Variants in UBE2V1 observed in about 807,000 individuals in gnomAD.
UBE2V1 encodes the protein ubiquitin-conjugating enzyme E2 variant 1.
A neutral mutation model predicts 19.6 loss-of-function variants in UBE2V1; 15 were observed. The observed-to-expected ratio is 0.77, with a 90% confidence interval of 0.51 to 1.18. The LOEUF is 1.18. UBE2V1 is among the 50% of genes most tolerant of loss of function. The pLI, the probability that UBE2V1 is intolerant of heterozygous loss-of-function variation, is 0.00. For synonymous variants in UBE2V1, 60 were observed against 60.7 expected, an observed-to-expected ratio of 0.99 and a Z score of 0.05; for missense variants, 125 against 184.8, an observed-to-expected ratio of 0.68 and a Z score of 1.88.
At chr20:50,090,252 C>T (rs1374256672) in intron 2 of UBE2V1, among the ~76,000 whole-genome samples, 1 of 152,224 alleles carries the variant, frequency 6.6e-6, no homozygotes, top group Non-Finnish European at 1.5e-5. Flanking sequence ...AGATCATCTG[C>T]ACTTCCACAC....
chr20:50,096,889 G>A (rs1055310586), intron 1 of UBE2V1, 69 bp from the exon 2 acceptor site: 2 of 1,586,952 alleles, frequency 1.3e-6, no homozygotes, highest in Non-Finnish European at 1.7e-6. Flanking sequence ...AGAGCTAGCT[G>A]CTCATTATCT....
chr20:50,097,642 T>A (rs1389736173), intron 1 of UBE2V1, among the ~76,000 whole-genome samples: 1 of 152,086 alleles, frequency 6.6e-6, no homozygotes, highest in Non-Finnish European at 1.5e-5. Context: ...TCTCCTAGGG[T>A]TGCACTCCCA....
intron 1 of UBE2V1, among the ~76,000 whole-genome samples, chr20:50,102,048 C>T (rs1332187667): frequency 6.6e-6 from 1 of 152,170 alleles, no homozygotes; most frequent in Non-Finnish European, 1.5e-5. Flanking sequence ...ATCCAAGTCT[C>T]CTAGGTAATG....
intron 1 of UBE2V1, 120 bp from the exon 2 acceptor site, chr20:50,096,940 G>A: frequency 6.7e-7 from 1 of 1,488,760 alleles, no homozygotes; most frequent in Non-Finnish European, 9.0e-7. Flanking sequence ...AAAAATCACG[G>A]AAAGTTATCA....
Position 50,106,868 on chromosome 20 carries a change from CAACAACAAAAAAAAAAA to C in UBE2V1, c.22+6222_22+6238del, listed in dbSNP as rs1227101371. 1.2e-4 allele frequency among the ~76,000 whole-genome samples: 10 copies of C among 84,820 alleles called. No individual in the cohort carries two copies. In the East Asian group the frequency reaches 3.1e-3, roughly 26 times the overall value. The allele number at this position is 84,820 out of a possible 152,430, so 55.6% of individuals were successfully genotyped here. The stretch of plus-strand genomic sequence containing the variant: ...AAAACAACAACAACAACAACAACAA[CAACAACAAAAAAAAAAA>C]AACAAAAAAAAGGTAGAACCTCAGA... On this transcript the variant is annotated intron_variant, in intron 1 of 3. Coordinates refer to ENST00000371674, the MANE Select transcript of UBE2V1 (RefSeq NM_001032288.3).
intron 2 of UBE2V1, among the ~76,000 whole-genome samples, chr20:50,093,606 G>C (rs955851823): frequency 6.6e-6 from 1 of 152,162 alleles, no homozygotes; most frequent in Admixed American, 6.5e-5. Context: ...CAGCCACTTT[G>C]GGAAACAGTT....
intron 1 of UBE2V1, among the ~76,000 whole-genome samples, chr20:50,099,715 A>C (rs2079863611): frequency 6.6e-6 from 1 of 152,084 alleles, no homozygotes; most frequent in Non-Finnish European, 1.5e-5. Flanking sequence ...ACTTCATCTC[A>C]ATAAGGATCA....
intron 3 of UBE2V1, 124 bp downstream of exon 3, chr20:50,084,005 T>C: frequency 1.4e-6 from 2 of 1,452,194 alleles, no homozygotes; most frequent in Non-Finnish European, 1.8e-6. Flanking sequence ...CTATGCACAG[T>C]GATACAGTTT....
At chr20:50,089,091 T>C (rs2079081489) in intron 2 of UBE2V1, among the ~76,000 whole-genome samples, 1 of 152,120 alleles carries the variant, frequency 6.6e-6, no homozygotes, top group Non-Finnish European at 1.5e-5. Context: ...ATATAAGACA[T>C]TGCTTAAACA....
chr20:50,082,818 C>T lies in UBE2V1; in HGVS notation c.394G>A (p.Glu132Lys). The stretch of plus-strand genomic sequence containing the variant: ...GGCGGCTGAGGGAGTTTCATATTTT[C>T]TTTAGACATCATTAGGCGCCGAAGC... ...QELRRLMMSK[E>K]NMKLPQPPEG... The change falls in exon 4 of 4, where the codon GAA becomes AAA. Residue 132 changes from glutamate to lysine, a missense_variant. Glu to Lys is a moderately conservative substitution (Grantham distance 56). This residue lies in a region of UBE2V1 where 78 missense variants were observed against 108.8 expected (regional missense o/e 0.72). Coordinates refer to ENST00000371674, the MANE Select transcript of UBE2V1 (RefSeq NM_001032288.3). The T allele has an allele frequency of 6.2e-7, 1 of 1,613,252 alleles. No individual in the cohort carries two copies.
chr20:50,093,664 T>G (rs1392056676), intron 2 of UBE2V1, among the ~76,000 whole-genome samples: 1 of 152,056 alleles, frequency 6.6e-6, no homozygotes, highest in Non-Finnish European at 1.5e-5. Context: ...GATCCAGCAA[T>G]TCCACTCCTA....
chr20:50,086,534 A>G (rs531688994), intron 2 of UBE2V1, among the ~76,000 whole-genome samples: 1 of 152,358 alleles, frequency 6.6e-6, no homozygotes, highest in Admixed American at 6.5e-5. Context: ...TATGGAGAAT[A>G]TAACAGATCC....
intron 2 of UBE2V1, 54 bp downstream of exon 2, chr20:50,096,615 AAAG>A: frequency 1.2e-6 from 2 of 1,607,648 alleles, no homozygotes. Flanking sequence ...ATATTTTTTA[AAAG>A]GAGGCACAGT....
intron 1 of UBE2V1, among the ~76,000 whole-genome samples, chr20:50,108,037 G>A (rs912743903): frequency 1.3e-5 from 2 of 152,194 alleles, no homozygotes; most frequent in Non-Finnish European, 2.9e-5. Context: ...AAGTCAAGGC[G>A]GCAGGGCCTT....
intron 1 of UBE2V1, among the ~76,000 whole-genome samples, chr20:50,102,188 G>A (rs913515782): frequency 1.3e-5 from 2 of 152,160 alleles, no homozygotes; most frequent in Non-Finnish European, 2.9e-5. Flanking sequence ...AAGTAGAAGA[G>A]ATGTAGAAGA....
At chr20:50,084,088 G>A in intron 3 of UBE2V1, 41 bp downstream of exon 3, 1 of 1,538,028 alleles carries the variant, frequency 6.5e-7, no homozygotes. Flanking sequence ...CAAAGCAACT[G>A]TCAACTCCAA....
At chr20:50,087,525 AAGG>A (rs2078992639) in intron 2 of UBE2V1, among the ~76,000 whole-genome samples, 1 of 152,154 alleles carries the variant, frequency 6.6e-6, no homozygotes, top group South Asian at 2.1e-4. Flanking sequence ...AATGTGCCTG[AAGG>A]AGAATTGCTG....
At chr20:50,094,809 G>C (rs1042899792) in intron 2 of UBE2V1, 3 of 152,102 alleles carry the variant, frequency 2.0e-5, no homozygotes, top group African/African-American at 7.2e-5. Context: ...TGAAATTAGT[G>C]ACGGATGCAC....
chr20:50,093,454 T>G (rs374650430), intron 2 of UBE2V1, among the ~76,000 whole-genome samples: 1 of 152,224 alleles, frequency 6.6e-6, no homozygotes, highest in East Asian at 1.9e-4. Flanking sequence ...TACACACAGA[T>G]AGTTCCTTTT....
Sources: gnomAD v4.1 joint callset for allele counts (sites outside exome capture counted in the v4.1 genomes callset) on GRCh38, gnomAD v4.1.1 for gene constraint, gnomAD v4.1.1 regional missense constraint, MANE v1.5 for transcripts, NCBI Gene and HGNC (gene_info 2026-07-23, HGNC 2026-07-21) for gene names.